The following TRAPPC9 variants were observed in gnomAD, a reference collection of about 807,000 sequenced individuals.
The protein encoded by TRAPPC9 is IKK2 binding protein.
A neutral mutation model predicts 124.0 loss-of-function variants in TRAPPC9; 83 were observed. The ratio of observed to expected loss-of-function variants is 0.67; its 90% CI spans 0.56 to 0.80. The LOEUF is 0.80. Among genes scored for constraint, TRAPPC9 ranks in the 30% least tolerant of loss-of-function variants. The probability of loss-of-function intolerance (pLI) is 0.00; values close to 1 mark genes in which losing one functional copy is unlikely to be tolerated. For missense variants in TRAPPC9, 1,302 were observed against 1,508.3 expected, an observed-to-expected ratio of 0.86 and a Z score of 2.27; for synonymous variants, 638 against 617.5, an observed-to-expected ratio of 1.03 and a Z score of -0.49.
At chr8:139,850,216 C>A (rs944251327) in intron 21 of TRAPPC9, among the ~76,000 whole-genome samples, 1 of 152,224 alleles carries the variant, frequency 6.6e-6, no homozygotes, top group Non-Finnish European at 1.5e-5. Context: ...GAAGTAGTAA[C>A]TAGAATTTTT....
At chr8:140,102,258 A>C (rs1220123273) in intron 17 of TRAPPC9, among the ~76,000 whole-genome samples, 1 of 152,216 alleles carries the variant, frequency 6.6e-6, no homozygotes, top group Non-Finnish European at 1.5e-5. Context: ...ACTCTGTGTT[A>C]ACTTTAATTT....
At chr8:140,146,864 CA>C (rs11460861) in intron 17 of TRAPPC9, among the ~76,000 whole-genome samples, 293 of 125,148 alleles carry the variant, frequency 2.3e-3, no homozygotes, top group Middle Eastern at 4.5e-3. Flanking sequence ...GTTTTCTAAC[CA>C]AAAAAAAAAA....
At chr8:140,000,992 T>A (rs1838352967) in intron 18 of TRAPPC9, among the ~76,000 whole-genome samples, 2 of 152,118 alleles carry the variant, frequency 1.3e-5, no homozygotes, top group African/African-American at 4.8e-5. Flanking sequence ...CAAATGTCCA[T>A]CAATGATAGA....
intron 17 of TRAPPC9, among the ~76,000 whole-genome samples, chr8:140,162,380 CT>C (rs2130896745): frequency 6.6e-6 from 1 of 152,280 alleles, no homozygotes; most frequent in African/African-American, 2.4e-5. Flanking sequence ...GAAGGCTTTT[CT>C]ACGTACTCTA....
At chr8:139,858,462 A>G (rs1445946715) in intron 21 of TRAPPC9, among the ~76,000 whole-genome samples, 1 of 152,216 alleles carries the variant, frequency 6.6e-6, no homozygotes, top group Non-Finnish European at 1.5e-5. Flanking sequence ...CAGCTCTTCC[A>G]TGCCATTTTT....
intron 7 of TRAPPC9, among the ~76,000 whole-genome samples, chr8:140,388,244 G>C (rs2068814378): frequency 7.1e-6 from 1 of 140,036 alleles, no homozygotes; most frequent in Admixed American, 7.2e-5. Flanking sequence ...GGGGGGAGGT[G>C]GGAGGGATAG....
chr8:139,983,755 T>A (rs1350898997), intron 19 of TRAPPC9, among the ~76,000 whole-genome samples: 4 of 151,978 alleles, frequency 2.6e-5, no homozygotes, highest in Non-Finnish European at 5.9e-5. Context: ...ATAAACAGAA[T>A]TTTGCCCCCG....
intron 5 of TRAPPC9, among the ~76,000 whole-genome samples, chr8:140,423,191 G>T (rs1165392335): frequency 6.6e-6 from 1 of 152,028 alleles, no homozygotes; most frequent in Non-Finnish European, 1.5e-5. Context: ...TATAATACTA[G>T]CACTTTGGGA....
chr8:139,751,695 TCCAG>T (rs943758910), intron 21 of TRAPPC9, among the ~76,000 whole-genome samples: 4 of 152,086 alleles, frequency 2.6e-5, no homozygotes, highest in East Asian at 1.9e-4. Flanking sequence ...CACCTATCCA[TCCAG>T]CATCTACCCA....
chr8:140,011,732 C>G (rs1451783964), intron 18 of TRAPPC9, among the ~76,000 whole-genome samples: 1 of 135,630 alleles, frequency 7.4e-6, no homozygotes, highest in East Asian at 2.3e-4. Flanking sequence ...GGCTGGAGTG[C>G]AATGGCACGA....
In TRAPPC9 at chr8:139,764,485, T is replaced by A. The variant is rs562311608; in HGVS notation, c.3056-32283A>T. 4.6e-5 allele frequency among the ~76,000 whole-genome samples: 7 copies of A among 152,290 alleles called. No homozygotes were observed. In the South Asian group the frequency reaches 1.4e-3, roughly 32 times the overall value. ...AGGCCATCAACCATCATCCAGGACA[T>A]GCTTAAAATGCAGGCACAATAATTC... On this transcript the variant is annotated intron_variant, in intron 21 of 22. Coordinates refer to ENST00000438773, the MANE Select transcript of TRAPPC9 (RefSeq NM_001160372.4).
intron 17 of TRAPPC9, among the ~76,000 whole-genome samples, chr8:140,116,593 GA>G (rs1430465079): frequency 6.6e-6 from 1 of 152,176 alleles, no homozygotes; most frequent in Non-Finnish European, 1.5e-5. Flanking sequence ...CCATTTTAAA[GA>G]GTCACATATA....
At chr8:140,401,668 G>A (rs2132407441) in intron 6 of TRAPPC9, among the ~76,000 whole-genome samples, 1 of 152,144 alleles carries the variant, frequency 6.6e-6, no homozygotes, top group East Asian at 1.9e-4. Context: ...CTGTTGCCCA[G>A]GCTGGAGTGC....
intron 17 of TRAPPC9, among the ~76,000 whole-genome samples, chr8:140,143,911 C>T (rs1182445229): frequency 2.0e-5 from 3 of 152,128 alleles, no homozygotes; most frequent in African/African-American, 7.2e-5. Flanking sequence ...TTATAAAACT[C>T]CAGAGATTGT....
Position 140,392,605 on chromosome 8 carries a change from G to A in TRAPPC9, c.1134+5015C>T, listed in dbSNP as rs577496605. On this transcript the variant is annotated intron_variant, in intron 7 of 22. Transcript: ENST00000438773. The stretch of plus-strand genomic sequence containing the variant: ...GAACGCTCAAGGCTAGCAGACGACG[G>A]ACACAGCGCCGAGTGCCTGGCCTTT... 1.2e-4 allele frequency among the ~76,000 whole-genome samples: 18 copies of A among 152,340 alleles called. No homozygotes were observed. In the South Asian group the frequency reaches 3.5e-3, roughly 30 times the overall value.
intron 20 of TRAPPC9, among the ~76,000 whole-genome samples, chr8:139,891,145 G>A (rs1269769757): frequency 6.6e-6 from 1 of 152,206 alleles, no homozygotes; most frequent in Non-Finnish European, 1.5e-5. Flanking sequence ...GCATTGCAGG[G>A]TTTCATTGCC....
chr8:140,049,804 C>T (rs1057418786), intron 17 of TRAPPC9, among the ~76,000 whole-genome samples: 12 of 152,118 alleles, frequency 7.9e-5, no homozygotes, highest in East Asian at 3.9e-4. Context: ...GGTCTCCCGC[C>T]GAGTCCTCAA....
intron 20 of TRAPPC9, among the ~76,000 whole-genome samples, chr8:139,902,563 GC>G (rs1831086757): frequency 6.6e-6 from 1 of 152,232 alleles, no homozygotes; most frequent in Non-Finnish European, 1.5e-5. Context: ...TGTACTGATG[GC>G]AGGAGCCGTT....
chr8:139,752,289 A>G (rs61723447), intron 21 of TRAPPC9, among the ~76,000 whole-genome samples: 35,682 of 124,620 alleles, frequency 0.29, 5,985 homozygotes, highest in African/African-American at 0.54. Context: ...CCCATCCATC[A>G]ACCCATCTAC....
Sources: gnomAD v4.1 joint callset for allele counts (sites outside exome capture counted in the v4.1 genomes callset) on GRCh38, gnomAD v4.1.1 for gene constraint, MANE v1.5 for transcripts, NCBI Gene and HGNC (gene_info 2026-07-23, HGNC 2026-07-21) for gene names.